Variants in EYS observed in about 807,000 individuals in gnomAD.
The protein encoded by EYS is protein eyes shut homolog.
In EYS, 250 loss-of-function variants were observed where a neutral mutation model predicts 282.1. The ratio of observed to expected loss-of-function variants is 0.89; its 90% CI spans 0.80 to 0.98. EYS has a LOEUF of 0.98. Ranked by LOEUF, EYS falls within the 50% of genes least tolerant of loss-of-function variation. The pLI is 0.00. For synonymous variants in EYS, 1,355 were observed against 1,282.9 expected (o/e 1.06, Z -1.20); for missense variants, 4,016 against 3,709.0 (o/e 1.08, Z -2.15).
intron 26 of EYS, among the ~76,000 whole-genome samples, chr6:64,453,703 T>C (rs1028312899): frequency 2.0e-5 from 3 of 152,198 alleles, no homozygotes; most frequent in Non-Finnish European, 4.4e-5. Context: ...TCATGTCCTT[T>C]GTAGGAACAT....
At position 64,395,916 on chromosome 6, in the gene EYS, T is replaced by C. The variant is rs114442644; in HGVS notation, c.5928-7076A>G. Among the ~76,000 whole-genome samples the C allele has an allele frequency of 4.2e-3, 645 of 152,262 alleles. 5 individuals are homozygous for C. The highest frequency in any genetic ancestry group is 0.015 in the African/African-American group (607 of 41,552). ...ACATTCTGGTTTTCATATATTTATA[T>C]TGAATTATGGCATACATAATAAAGA... On this transcript the variant is annotated intron_variant, in intron 28 of 42. Transcript: ENST00000503581.
chr6:64,945,428 G>T (rs2150095819), intron 15 of EYS, among the ~76,000 whole-genome samples: 1 of 152,164 alleles, frequency 6.6e-6, no homozygotes, highest in Admixed American at 6.6e-5. Context: ...AAAATTGGAA[G>T]TTTTAATTTA....
At chr6:65,288,233 G>A (rs1457048264) in intron 12 of EYS, among the ~76,000 whole-genome samples, 3 of 150,764 alleles carry the variant, frequency 2.0e-5, no homozygotes, top group Non-Finnish European at 4.5e-5. Flanking sequence ...CAAACATATT[G>A]ACAAACATAT....
chr6:65,358,230 A>G (rs939302163), intron 8 of EYS, among the ~76,000 whole-genome samples: 5 of 151,978 alleles, frequency 3.3e-5, no homozygotes, highest in Admixed American at 6.6e-5. Context: ...TTTAATTCAT[A>G]GATTAGGTGA....
At chr6:64,354,969 G>A (rs1426476607) in intron 29 of EYS, among the ~76,000 whole-genome samples, 1 of 151,418 alleles carries the variant, frequency 6.6e-6, no homozygotes, top group Non-Finnish European at 1.5e-5. Context: ...TCAGGCAACT[G>A]CCTTACAATT....
chr6:65,122,545 G>A (rs1052216149), intron 12 of EYS, among the ~76,000 whole-genome samples: 2 of 151,918 alleles, frequency 1.3e-5, no homozygotes, highest in Non-Finnish European at 2.9e-5. Context: ...AATTCGTACT[G>A]TTTATCATAG....
At chr6:64,861,245 T>TGCG (rs1766227717) in intron 19 of EYS, among the ~76,000 whole-genome samples, 1 of 152,166 alleles carries the variant, frequency 6.6e-6, no homozygotes, top group Non-Finnish European at 1.5e-5. Context: ...CAGAGGGGGC[T>TGCG]GAGGCGGCAG....
chr6:63,745,381 C>T (rs1769187154), intron 41 of EYS, among the ~76,000 whole-genome samples: 3 of 152,116 alleles, frequency 2.0e-5, no homozygotes, highest in African/African-American at 7.2e-5. Flanking sequence ...TTTGGAGCTA[C>T]CAAAAGCTGA....
At chr6:63,756,776 T>C (rs1769496076) in intron 41 of EYS, among the ~76,000 whole-genome samples, 1 of 152,178 alleles carries the variant, frequency 6.6e-6, no homozygotes, top group Admixed American at 6.6e-5. Context: ...AATATTTTTA[T>C]AATTTCTTGC....
At chr6:64,577,424 A>G (rs1243732182) in intron 26 of EYS, among the ~76,000 whole-genome samples, 2 of 151,796 alleles carry the variant, frequency 1.3e-5, no homozygotes, top group Admixed American at 6.6e-5. Flanking sequence ...CTCTCTCTCA[A>G]TCGTTCAAAT....
intron 12 of EYS, among the ~76,000 whole-genome samples, chr6:65,205,177 G>T (rs1406266161): frequency 6.7e-6 from 1 of 149,870 alleles, no homozygotes; most frequent in African/African-American, 2.4e-5. Flanking sequence ...CTAATGGCTA[G>T]ACACATATAT....
intron 12 of EYS, among the ~76,000 whole-genome samples, chr6:65,060,271 A>G (rs1433706837): frequency 6.6e-6 from 1 of 151,670 alleles, no homozygotes; most frequent in Non-Finnish European, 1.5e-5. Flanking sequence ...ATTCATGCAA[A>G]TCTTGGATTT....
intron 12 of EYS, among the ~76,000 whole-genome samples, chr6:65,086,264 C>T (rs1442173983): frequency 6.6e-6 from 1 of 151,750 alleles, no homozygotes; most frequent in African/African-American, 2.4e-5. Flanking sequence ...TGTATTGAGC[C>T]GAGATTGTGC....
chr6:65,443,319 CATATATGCATACATGTATGTACACATAT>C (rs1768474493), intron 5 of EYS, among the ~76,000 whole-genome samples: 1 of 98,402 alleles, frequency 1.0e-5, no homozygotes, highest in Non-Finnish European at 2.6e-5. Context: ...CACATATAGA[CATATATGCATACATGTATGTACACATAT>C]AGACATATAT....
intron 12 of EYS, 114 bp downstream of exon 12, chr6:65,295,749 G>T: frequency 1.1e-6 from 1 of 945,284 alleles, no homozygotes. Context: ...TAAGAAATGA[G>T]ACAACAATAC....
At chr6:65,109,380 G>T (rs550162939) in intron 12 of EYS, among the ~76,000 whole-genome samples, 58 of 151,944 alleles carry the variant, frequency 3.8e-4, no homozygotes, top group African/African-American at 1.3e-3. Flanking sequence ...TCTAAGTGTT[G>T]TTTCTCTTGT....
At chr6:65,215,771 C>T (rs748919349) in intron 12 of EYS, among the ~76,000 whole-genome samples, 43 of 152,156 alleles carry the variant, frequency 2.8e-4, no homozygotes, top group Non-Finnish European at 5.0e-4. Context: ...CATTCAGCAA[C>T]CACCATCCTG....
intron 22 of EYS, among the ~76,000 whole-genome samples, chr6:64,707,403 C>A (rs555450511): frequency 6.6e-6 from 1 of 152,078 alleles, no homozygotes; most frequent in African/African-American, 2.4e-5. Context: ...GGCATGGTGG[C>A]TCACGCCTGT....
At chr6:64,721,820 A>G (rs1471889376) in intron 22 of EYS, among the ~76,000 whole-genome samples, 2 of 152,184 alleles carry the variant, frequency 1.3e-5, no homozygotes, top group African/African-American at 2.4e-5. Flanking sequence ...GCTTATTGTT[A>G]GTTTGAATTT....
Sources: allele counts gnomAD v4.1 joint callset (sites outside exome capture counted in the v4.1 genomes callset), GRCh38; gene constraint gnomAD v4.1.1; transcripts MANE v1.5; gene names NCBI Gene and HGNC (gene_info 2026-07-23, HGNC 2026-07-21).